CDH13: variants seen among roughly 807,000 people sequenced by gnomAD.
CDH13 encodes cadherin 13, also known as cadherin-13.
In CDH13, 24 loss-of-function variants were observed where a neutral mutation model predicts 63.8. That is an observed-to-expected ratio of 0.38 (90% CI 0.27 to 0.53). The LOEUF (loss-of-function observed/expected upper bound fraction) is 0.53. Among genes scored for constraint, CDH13 ranks in the 20% least tolerant of loss-of-function variants. The pLI, the probability that CDH13 is intolerant of heterozygous loss-of-function variation, is 0.85. For missense variants in CDH13, 1,049 were observed against 903.1 expected (o/e 1.16, Z -2.07); for synonymous variants, 503 against 355.3 (o/e 1.42, Z -4.67).
At chr16:82,710,552 A>AAAAATATATATAT (rs60196638) in intron 1 of CDH13, among the ~76,000 whole-genome samples, 6 of 63,774 alleles carry the variant, frequency 9.4e-5, no homozygotes, top group East Asian at 9.4e-4. Flanking sequence ...AAAAAAAAAA[A>AAAAATATATATAT]ATATATATAT....
At chr16:83,518,519 C>T (rs2074753231) in intron 7 of CDH13, among the ~76,000 whole-genome samples, 1 of 148,456 alleles carries the variant, frequency 6.7e-6, no homozygotes, top group Non-Finnish European at 1.5e-5. Flanking sequence ...GTCTCCCAGG[C>T]TGGAGTGCAG....
intron 4 of CDH13, among the ~76,000 whole-genome samples, chr16:83,174,985 A>G (rs1365064305): frequency 6.6e-6 from 1 of 152,078 alleles, no homozygotes; most frequent in Non-Finnish European, 1.5e-5. Flanking sequence ...CCCCTGACAC[A>G]TGGGGATTAA....
At chr16:83,246,333 G>A (rs151001447) in intron 5 of CDH13, among the ~76,000 whole-genome samples, 26 of 152,154 alleles carry the variant, frequency 1.7e-4, no homozygotes, top group African/African-American at 6.3e-4. Flanking sequence ...CTGATTCAGG[G>A]GGGGTCTGTG....
chr16:83,012,227 TAC>T (rs1914234610), intron 2 of CDH13, among the ~76,000 whole-genome samples: 1 of 152,038 alleles, frequency 6.6e-6, no homozygotes, highest in Non-Finnish European at 1.5e-5. Context: ...GTACTTAAAA[TAC>T]ACAGTGACTA....
At chr16:83,062,962 ATTT>A (rs61186735) in intron 3 of CDH13, among the ~76,000 whole-genome samples, 2,316 of 134,048 alleles carry the variant, frequency 0.017, 54 homozygotes, top group African/African-American at 0.057. Flanking sequence ...GGTGGTTGGC[ATTT>A]TTTTTTTTTT....
Position 83,670,936 on chromosome 16 carries a change from C to T in CDH13, c.1248C>T (p.Asn416=), listed in dbSNP as rs1204869770. 1.2e-6 allele frequency: 2 copies of T among 1,606,992 alleles called. No homozygotes were observed. Among genetic ancestry groups the T allele is most frequent in the African/African-American group, 1.3e-5 (1 of 74,750 alleles). The stretch of plus-strand genomic sequence containing the variant: ...GGCAGAGCTTTGAAATCCACACCAA[C>T]CCTCAAACCAACGAAGGGATGCTTT... The part of the protein sequence containing the change: ...NPGQSFEIHT[N]PQTNEGMLSV... The change falls in exon 9 of 14, where the codon AAC becomes AAT. Residue 416 remains asparagine, a synonymous_variant. Transcript: ENST00000567109.
intron 10 of CDH13, among the ~76,000 whole-genome samples, chr16:83,712,995 T>C (rs1436904870): frequency 1.3e-5 from 2 of 152,264 alleles, no homozygotes; most frequent in African/African-American, 4.8e-5. Context: ...GAGAGCTCTG[T>C]TGCTTTCAAA....
chr16:83,105,898 G>GA (rs2034740130), intron 3 of CDH13, among the ~76,000 whole-genome samples: 1 of 152,200 alleles, frequency 6.6e-6, no homozygotes, highest in Non-Finnish European at 1.5e-5. Flanking sequence ...CCCAGTTAGA[G>GA]AAACGACACA....
intron 2 of CDH13, among the ~76,000 whole-genome samples, chr16:82,992,578 G>T (rs1911777770): frequency 6.6e-6 from 1 of 152,020 alleles, no homozygotes; most frequent in African/African-American, 2.4e-5. Flanking sequence ...ATACCCCAAG[G>T]TCAAAAAGCT....
At chr16:82,748,280 TC>T (rs1451689781) in intron 1 of CDH13, among the ~76,000 whole-genome samples, 30 of 152,312 alleles carry the variant, frequency 2.0e-4, no homozygotes, top group African/African-American at 7.0e-4. Flanking sequence ...CAATTCATGT[TC>T]CCATCCAGAA....
chr16:83,313,484 A>G (rs938730743), intron 5 of CDH13, among the ~76,000 whole-genome samples: 3 of 152,186 alleles, frequency 2.0e-5, no homozygotes, highest in Non-Finnish European at 2.9e-5. Context: ...TGTGCTAATA[A>G]TTGAATAAAG....
intron 4 of CDH13, among the ~76,000 whole-genome samples, chr16:83,156,564 G>A (rs1265112288): frequency 6.6e-6 from 1 of 152,152 alleles, no homozygotes; most frequent in Non-Finnish European, 1.5e-5. Flanking sequence ...TGTTGTGGTT[G>A]TTGCACAAAG....
At chr16:83,414,532 T>G (rs2092172434) in intron 6 of CDH13, among the ~76,000 whole-genome samples, 1 of 152,192 alleles carries the variant, frequency 6.6e-6, no homozygotes. Context: ...CTTCATCTTG[T>G]TTAATTGAAA....
chr16:83,141,132 C>G (rs576266910), intron 4 of CDH13, among the ~76,000 whole-genome samples: 2 of 152,220 alleles, frequency 1.3e-5, no homozygotes, highest in Non-Finnish European at 2.9e-5. Flanking sequence ...TCTCCCTCTC[C>G]TGATTCAGTG....
intron 1 of CDH13, among the ~76,000 whole-genome samples, chr16:82,805,116 C>A (rs12051210): frequency 0.26 from 38,964 of 151,836 alleles, 5,854 homozygotes; most frequent in South Asian, 0.4. Flanking sequence ...TTTTCACTTT[C>A]ATTGTGTGTG....
intron 1 of CDH13, among the ~76,000 whole-genome samples, chr16:82,702,766 G>A (rs1001481971): frequency 6.6e-6 from 1 of 152,168 alleles, no homozygotes; most frequent in African/African-American, 2.4e-5. Flanking sequence ...GATGGCCATT[G>A]CATGTATGAT....
intron 5 of CDH13, among the ~76,000 whole-genome samples, chr16:83,261,638 A>C (rs1487112389): frequency 6.6e-6 from 1 of 152,004 alleles, no homozygotes; most frequent in East Asian, 1.9e-4. Context: ...TACAAATGTC[A>C]CTAGTGCCAA....
chr16:83,764,528 T>G (rs1171475924), intron 11 of CDH13, among the ~76,000 whole-genome samples: 2 of 152,188 alleles, frequency 1.3e-5, no homozygotes, highest in Non-Finnish European at 2.9e-5. Context: ...GGTCCCCCAC[T>G]GGAGTCCCCC....
At chr16:82,982,233 T>C (rs1273971365) in intron 2 of CDH13, among the ~76,000 whole-genome samples, 2 of 152,116 alleles carry the variant, frequency 1.3e-5, no homozygotes, top group Non-Finnish European at 2.9e-5. Context: ...AATAAGAATT[T>C]CTTCTTATTT....
Sources: allele counts gnomAD v4.1 joint callset (sites outside exome capture counted in the v4.1 genomes callset), GRCh38; gene constraint gnomAD v4.1.1; transcripts MANE v1.5; gene names NCBI Gene and HGNC (gene_info 2026-07-23, HGNC 2026-07-21).